Variants in COLEC10 observed in about 807,000 individuals in gnomAD.
COLEC10 encodes collectin subfamily member 10, also known as collectin-10.
COLEC10 carries 22 observed loss-of-function variants against 28.4 expected under a neutral mutation model. The ratio of observed to expected loss-of-function variants is 0.78; its 90% CI spans 0.55 to 1.11. COLEC10 has a LOEUF of 1.11. COLEC10 is among the 50% of genes least tolerant of loss of function. The pLI, the probability that COLEC10 is intolerant of heterozygous loss-of-function variation, is 0.00. For missense variants in COLEC10, 361 were observed against 344.1 expected, an observed-to-expected ratio of 1.05 and a Z score of -0.39; for synonymous variants, 125 against 116.1, an observed-to-expected ratio of 1.08 and a Z score of -0.49.
chr8:119,025,364 T>G (rs1052842067), intron 2 of COLEC10, among the ~76,000 whole-genome samples: 1 of 152,186 alleles, frequency 6.6e-6, no homozygotes, highest in African/African-American at 2.4e-5. Flanking sequence ...CTGCTAAGAA[T>G]AAACAAGCAC....
At chr8:119,008,201 C>A (rs1050676831) in intron 1 of COLEC10, among the ~76,000 whole-genome samples, 3 of 150,814 alleles carry the variant, frequency 2.0e-5, no homozygotes, top group Admixed American at 1.3e-4. Context: ...AAACTGAGAA[C>A]TTTCTGTAAA....
At chr8:118,985,541 A>T in the COLEC10 span, among the ~76,000 whole-genome samples, 1 of 152,190 alleles carries the variant, frequency 6.6e-6, no homozygotes, top group Non-Finnish European at 1.5e-5. Context: ...ATTTATGAGG[A>T]TGTACTCTCC....
At chr8:119,078,800 T>C (rs1290575444) in intron 1 of COLEC10, among the ~76,000 whole-genome samples, 4 of 152,094 alleles carry the variant, frequency 2.6e-5, no homozygotes, top group Admixed American at 1.3e-4. Flanking sequence ...TCAAAGGTAA[T>C]GGCAAAAACT....
At chr8:119,074,737 A>G (rs117936063) in intron 1 of COLEC10, among the ~76,000 whole-genome samples, 1 of 152,302 alleles carries the variant, frequency 6.6e-6, no homozygotes, top group East Asian at 1.9e-4. Flanking sequence ...CAAACTTGAG[A>G]CCACCTCTTC....
rs267601743 is a variant in COLEC10 at position 119,105,874 on chromosome 8, C to T, written c.517C>T (p.Leu173=). The T allele has an allele frequency of 1.2e-6, 2 of 1,613,650 alleles. No homozygotes were observed. The highest frequency in any genetic ancestry group is 2.2e-5 in the South Asian group (2 of 91,064). Residue 173 remains leucine (L), a synonymous_variant, in exon 6 of 6, where the codon CTA becomes TTA. Coordinates refer to ENST00000332843, the MANE Select transcript of COLEC10 (RefSeq NM_006438.5). ...VQEEKNYRES[L]THCRIRGGML... ...GGAAGAGAAGAACTACAGGGAATCCCTAACCCACTGCAGGATTCGGGGTGG... is the reference window on the plus strand; with the variant it reads ...GGAAGAGAAGAACTACAGGGAATCCTTAACCCACTGCAGGATTCGGGGTGG...
chr8:119,033,000 C>G (rs1563722886), intron 2 of COLEC10, among the ~76,000 whole-genome samples: 2 of 152,128 alleles, frequency 1.3e-5, no homozygotes, highest in Admixed American at 6.5e-5. Flanking sequence ...GATGTGCTCT[C>G]TCGAATTTTT....
At position 119,067,288 on chromosome 8, in the gene COLEC10, G is replaced by A; in HGVS notation, c.7G>A (p.Gly3Ser). The A allele has an allele frequency of 6.2e-7, 1 of 1,613,760 alleles. No homozygotes were observed. The highest frequency in any genetic ancestry group is 8.5e-7 in the Non-Finnish European group (1 of 1,179,844). The stretch of plus-strand genomic sequence containing the variant: ...TTTCTGAGGAACCACAGCAATGAAT[G>A]GCTTTGCATCCTTGCTTCGAAGAAA... MNGFASLLRRNQF... is the reference protein window; with the variant it reads MNSFASLLRRNQF... The change falls in exon 1 of 6, where the codon GGC (glycine) becomes AGC (serine). Residue 3 changes from glycine to serine, a missense_variant. Around this residue, in one of 3 missense-constraint regions of COLEC10, gnomAD observed 335 missense variants for 308.5 expected, o/e 1.09. Transcript: ENST00000332843.
At chr8:119,091,595 G>GAGAGAGAAAGAAAGAAAGAAAGAA (rs1250359009) in intron 3 of COLEC10, among the ~76,000 whole-genome samples, 46 of 138,512 alleles carry the variant, frequency 3.3e-4, no homozygotes, top group African/African-American at 1.2e-3. Context: ...GAGAGAGAGA[G>GAGAGAGAAAGAAAGAAAGAAAGAA]AGAAAGAAAG....
chr8:119,022,843 C>T (rs886374525), intron 2 of COLEC10, among the ~76,000 whole-genome samples: 2 of 152,056 alleles, frequency 1.3e-5, no homozygotes, highest in African/African-American at 4.8e-5. Context: ...AAAGTAAATG[C>T]CAAGATCTTG....
At chr8:119,003,620 C>G (rs1476796103) in intron 1 of COLEC10, among the ~76,000 whole-genome samples, 1 of 151,888 alleles carries the variant, frequency 6.6e-6, no homozygotes, top group Non-Finnish European at 1.5e-5. Flanking sequence ...TGGGATGGGC[C>G]CCTTCTAGAA....
chr8:119,004,784 A>G (rs1208518276), intron 1 of COLEC10, among the ~76,000 whole-genome samples: 2 of 151,638 alleles, frequency 1.3e-5, no homozygotes, highest in Non-Finnish European at 2.9e-5. Flanking sequence ...AGATTCCTCT[A>G]TTTCTTATAC....
chr8:119,044,079 T>C (rs1814544002), intron 2 of COLEC10, among the ~76,000 whole-genome samples: 2 of 152,246 alleles, frequency 1.3e-5, no homozygotes, highest in African/African-American at 4.8e-5. Flanking sequence ...GCACTGAAGC[T>C]AGAGAGACCA....
chr8:119,098,219 A>C (rs2130297706), intron 3 of COLEC10, among the ~76,000 whole-genome samples: 1 of 152,162 alleles, frequency 6.6e-6, no homozygotes, highest in African/African-American at 2.4e-5. Context: ...GATCTTAAGC[A>C]CAGTCTTAAC....
At chr8:119,050,156 C>T (rs535003610) in intron 2 of COLEC10, among the ~76,000 whole-genome samples, 15 of 152,308 alleles carry the variant, frequency 9.8e-5, no homozygotes, top group Middle Eastern at 3.4e-3. Flanking sequence ...CCTAGTACTT[C>T]ATAAGTTTCA....
chr8:119,062,079 T>A (rs1397355094), intron 2 of COLEC10, among the ~76,000 whole-genome samples: 2 of 152,162 alleles, frequency 1.3e-5, no homozygotes, highest in South Asian at 4.1e-4. Flanking sequence ...AATGTAATCA[T>A]AATGTACTAT....
intron 2 of COLEC10, among the ~76,000 whole-genome samples, chr8:119,090,710 A>G (rs1396910648): frequency 6.6e-6 from 1 of 152,188 alleles, no homozygotes; most frequent in Non-Finnish European, 1.5e-5. Context: ...AGGTTTTATG[A>G]CTGCATGTTC....
chr8:119,103,702 C>T (rs1176888368), intron 4 of COLEC10, 98 bp from the exon 5 acceptor site: 3 of 729,814 alleles, frequency 4.1e-6, no homozygotes, highest in Non-Finnish European at 2.4e-6. Context: ...TAGAACCAGA[C>T]TAGAAAAAGA....
chr8:118,977,353 A>G, the COLEC10 span, among the ~76,000 whole-genome samples: 1 of 149,014 alleles, frequency 6.7e-6, no homozygotes, highest in Non-Finnish European at 1.5e-5. Flanking sequence ...ACCAACCCAA[A>G]TGTCCAACAA....
intron 2 of COLEC10, among the ~76,000 whole-genome samples, chr8:119,016,630 A>T (rs1221140934): frequency 6.6e-6 from 1 of 151,556 alleles, no homozygotes; most frequent in Non-Finnish European, 1.5e-5. Flanking sequence ...GAACTAATAC[A>T]CTCCCACCAA....
Sources: allele counts gnomAD v4.1 joint callset (sites outside exome capture counted in the v4.1 genomes callset), GRCh38; gene constraint gnomAD v4.1.1; regional missense constraint gnomAD v4.1.1; transcripts MANE v1.5; gene names NCBI Gene and HGNC (gene_info 2026-07-23, HGNC 2026-07-21).